Variants in XIRP2 observed in about 807,000 individuals in gnomAD.
XIRP2 encodes the protein xin actin-binding repeat-containing protein 2.
A neutral mutation model predicts 277.0 loss-of-function variants in XIRP2; 236 were observed. The observed-to-expected ratio is 0.85, with a 90% CI of 0.77 to 0.95. The LOEUF is 0.95. XIRP2 is among the 40% of genes least tolerant of loss of function. The probability of loss-of-function intolerance (pLI) is 0.00; values close to 1 mark genes in which losing one functional copy is unlikely to be tolerated. For missense variants in XIRP2, 4,640 were observed against 4,157.5 expected (o/e 1.12, Z -3.19); for synonymous variants, 1,490 against 1,416.5 (o/e 1.05, Z -1.17).
In XIRP2 at chr2:167,231,588, A is replaced by G. The variant is rs527637466; in HGVS notation, c.859-8267A>G. 4.6e-5 allele frequency among the ~76,000 whole-genome samples: 7 copies of G among 151,906 alleles called. No individual in the cohort carries two copies. In the South Asian group the frequency reaches 1.2e-3, roughly 27 times the overall value. ...CAGTTTTCTTTTTTTTTTTACATCA[A>G]AACCATTTTCTATTCTACCACCCAA... On this transcript the variant is annotated intron_variant, in intron 5 of 10. Transcript: ENST00000409195.
At chr2:167,078,344 C>A (rs1185336107) in intron 2 of XIRP2, among the ~76,000 whole-genome samples, 4 of 152,186 alleles carry the variant, frequency 2.6e-5, no homozygotes, top group African/African-American at 9.7e-5. Flanking sequence ...TGAAACTTCA[C>A]TGAAGCTTAT....
Position 167,245,470 on chromosome 2 carries a change from G to C in XIRP2, c.4078G>C (p.Asp1360His), listed in dbSNP as rs1420842887. The C allele has an allele frequency of 1.2e-6, 2 of 1,613,420 alleles. No individual in the cohort carries two copies. The highest frequency in any genetic ancestry group is 1.7e-6 in the Non-Finnish European group (2 of 1,179,718). ...TRWLFETKPL[D>H]SINKSETVYV... is the part of the protein sequence containing the mutation. Reference sequence around the variant, plus strand: ...GTGGCTTTTTGAAACAAAGCCATTAGACTCTATTAATAAATCAGAAACTGT... The same window carrying C: ...GTGGCTTTTTGAAACAAAGCCATTACACTCTATTAATAAATCAGAAACTGT... The change falls in exon 9 of 11, where the codon GAC (aspartate) becomes CAC (histidine). Residue 1360 changes from aspartate to histidine, a missense_variant. Transcript: ENST00000409195.
intron 3 of XIRP2, among the ~76,000 whole-genome samples, chr2:167,201,667 A>G (rs890747879): frequency 6.6e-6 from 1 of 152,184 alleles, no homozygotes; most frequent in Non-Finnish European, 1.5e-5. Context: ...CAAGCTTGTA[A>G]TAATGAAAAA....
intron 3 of XIRP2, among the ~76,000 whole-genome samples, chr2:167,171,682 T>G (rs772791766): frequency 1.3e-5 from 2 of 152,162 alleles, no homozygotes; most frequent in Non-Finnish European, 2.9e-5. Context: ...GATTGTGAAT[T>G]TATTTCTTCC....
chr2:166,934,810 C>A (rs1048049470), intron 2 of XIRP2, among the ~76,000 whole-genome samples: 1 of 151,800 alleles, frequency 6.6e-6, no homozygotes, highest in African/African-American at 2.4e-5. Flanking sequence ...GTCAGGAGAC[C>A]AGCCTGGCCA....
At chr2:167,101,682 A>G (rs1477131959) in intron 2 of XIRP2, among the ~76,000 whole-genome samples, 3 of 152,182 alleles carry the variant, frequency 2.0e-5, no homozygotes, top group African/African-American at 4.8e-5. Flanking sequence ...ATGTACATAT[A>G]TACTTTTATA....
At chr2:167,012,722 T>C (rs1687716639) in intron 2 of XIRP2, among the ~76,000 whole-genome samples, 1 of 151,648 alleles carries the variant, frequency 6.6e-6, no homozygotes. Flanking sequence ...ATTGAAATCA[T>C]ATGCCTCTCC....
rs1238037012 is a variant in XIRP2, at chr2:167,136,048, G to A, written c.548G>A (p.Ser183Asn). 1.9e-6 allele frequency: 3 copies of A among 1,603,966 alleles called. No homozygotes were observed. The African/African-American group carries it at 4.0e-5, about 22-fold the overall frequency. Residue 183 changes from serine to asparagine, a missense_variant, in exon 3 of 11, where the codon AGC (serine) becomes AAC (asparagine). Transcript: ENST00000409195. ...AAGATGTCACCTGAAAGTGGTCACA[G>A]CCGCATCTTTGAAGGTTAGCATAAC... ...FDKMSPESGH[S>N]RIFEATAGPN...
At chr2:167,210,039 G>A (rs1233046771) in intron 3 of XIRP2, among the ~76,000 whole-genome samples, 1 of 151,896 alleles carries the variant, frequency 6.6e-6, no homozygotes, top group African/African-American at 2.4e-5. Flanking sequence ...GGCTTCATGG[G>A]TAAATATCAG....
rs775343319 is a variant in XIRP2, at chr2:167,246,545, A to G, written c.5153A>G (p.His1718Arg). Residue 1718 changes from histidine (H) to arginine (R), a missense_variant, in exon 9 of 11, where the codon CAT becomes CGT. By Grantham distance (29) the His-to-Arg change is conservative (BLOSUM62 0). Transcript: ENST00000409195. ...VIGGDVKRTI[H>R]NLLSSTSNNK... ...GGTGGTGATGTCAAACGTACCATTC[A>G]TAATTTATTGTCTTCCACATCAAAC... The G allele has an allele frequency of 8.1e-6, 13 of 1,613,670 alleles. No individual in the cohort carries two copies. Among genetic ancestry groups the G allele is most frequent in the African/African-American group, 2.7e-5 (2 of 74,904 alleles).
rs1255790536 is a variant in XIRP2 at position 167,249,485 on chromosome 2, T to A, written c.8093T>A (p.Leu2698Ter). The A allele has an allele frequency of 2.5e-6, 4 of 1,613,670 alleles. No homozygotes were observed. The South Asian group carries it at 4.4e-5, about 18-fold the overall frequency. ...QQKKYLEQLH[L>*]PQSKPISPNF... Reference sequence around the variant, plus strand: ...AAGAAGTATTTGGAGCAGTTGCACTTGCCCCAAAGCAAACCAATTTCCCCA... The same window carrying A: ...AAGAAGTATTTGGAGCAGTTGCACTAGCCCCAAAGCAAACCAATTTCCCCA... Residue 2698 changes from leucine (L) to a stop codon, truncating the protein, a stop_gained, in exon 9 of 11, where the codon TTG becomes TAG. Transcript: ENST00000409195. LOFTEE classifies it high-confidence loss of function.
intron 5 of XIRP2, among the ~76,000 whole-genome samples, chr2:167,219,807 C>T (rs746109094): frequency 1.3e-5 from 2 of 152,164 alleles, no homozygotes; most frequent in Admixed American, 1.3e-4. Context: ...GAGTGATTTG[C>T]CTATCTCATT....
chr2:166,945,911 G>T (rs1327022130), intron 2 of XIRP2, among the ~76,000 whole-genome samples: 4 of 151,978 alleles, frequency 2.6e-5, no homozygotes, highest in African/African-American at 9.7e-5. Flanking sequence ...TCGAACTCCT[G>T]TCTGCTAAGA....
In XIRP2 at chr2:166,903,866, C is replaced by A; in HGVS notation, c.384C>A (p.Asn128Lys). 1 of 1,613,360 alleles carries A rather than the reference C, an allele frequency of 6.2e-7. No homozygotes were observed. The highest frequency in any genetic ancestry group is 8.5e-7 in the Non-Finnish European group (1 of 1,179,546). ...RSVFEAPKSGNKPAEYGGKEV... is the reference protein window; with the variant it reads ...RSVFEAPKSGKKPAEYGGKEV... ...TGTTTGAGGCTCCTAAGAGTGGAAACAAACCAGCTGAGTACGGTGGAAAGG... is the reference window on the plus strand; with the variant it reads ...TGTTTGAGGCTCCTAAGAGTGGAAAAAAACCAGCTGAGTACGGTGGAAAGG... Residue 128 changes from asparagine to lysine, a missense_variant, in exon 2 of 11, where the codon AAC becomes AAA. Coordinates refer to ENST00000409195, the MANE Select transcript of XIRP2 (RefSeq NM_152381.6).
At chr2:167,197,136 T>G (rs952604193) in intron 3 of XIRP2, among the ~76,000 whole-genome samples, 4 of 152,224 alleles carry the variant, frequency 2.6e-5, no homozygotes, top group African/African-American at 9.6e-5. Context: ...CTGAGACTTT[T>G]GGGTGAAGAG....
At chr2:166,933,578 CA>C (rs879604257) in intron 2 of XIRP2, among the ~76,000 whole-genome samples, 411 of 140,622 alleles carry the variant, frequency 2.9e-3, no homozygotes, top group African/African-American at 4.5e-3. Context: ...AGACTCCTCT[CA>C]AAAAAAAAAA....
chr2:167,223,632 C>T (rs1231566267), intron 5 of XIRP2, among the ~76,000 whole-genome samples: 3 of 152,150 alleles, frequency 2.0e-5, no homozygotes, highest in African/African-American at 7.2e-5. Context: ...GTCCACATTG[C>T]AAAACATTTC....
intron 3 of XIRP2, among the ~76,000 whole-genome samples, chr2:167,146,500 CA>C (rs55685517): frequency 3.5e-4 from 46 of 130,272 alleles, no homozygotes; most frequent in East Asian, 2.7e-3. Flanking sequence ...GACTCTGTCT[CA>C]AAAAAAAAAG....
At chr2:167,004,069 TA>T (rs1687442424) in intron 2 of XIRP2, among the ~76,000 whole-genome samples, 1 of 151,848 alleles carries the variant, frequency 6.6e-6, no homozygotes, top group Non-Finnish European at 1.5e-5. Flanking sequence ...TTTCAAAGAT[TA>T]TATAAGAAAG....
Sources: gnomAD v4.1 joint callset for allele counts (sites outside exome capture counted in the v4.1 genomes callset) on GRCh38, gnomAD v4.1.1 for gene constraint, MANE v1.5 for transcripts, NCBI Gene and HGNC (gene_info 2026-07-23, HGNC 2026-07-21) for gene names.